BAZ2B: variants seen among roughly 807,000 people sequenced by gnomAD.
BAZ2B encodes the protein bromodomain adjacent to zinc finger domain 2B, also known as bromodomain adjacent to zinc finger domain protein 2B.
In BAZ2B, 91 loss-of-function variants were observed where a neutral mutation model predicts 246.0. The observed-to-expected ratio is 0.37, with a 90% CI of 0.31 to 0.44. BAZ2B has a LOEUF of 0.44. Among genes scored for constraint, BAZ2B ranks in the 20% least tolerant of loss-of-function variants. The probability of loss-of-function intolerance (pLI) is 1.00; values close to 1 mark genes in which losing one functional copy is unlikely to be tolerated. For synonymous variants in BAZ2B, 855 were observed against 860.0 expected (o/e 0.99, Z 0.10); for missense variants, 2,332 against 2,533.7 (o/e 0.92, Z 1.71).
At chr2:159,506,364 C>T (rs2082327756) in intron 2 of BAZ2B, among the ~76,000 whole-genome samples, 1 of 152,052 alleles carries the variant, frequency 6.6e-6, no homozygotes, top group Admixed American at 6.6e-5. Context: ...GAGATCTGAG[C>T]TGTAATATGC....
the BAZ2B span, among the ~76,000 whole-genome samples, chr2:159,644,149 G>C: frequency 6.6e-6 from 1 of 152,124 alleles, no homozygotes; most frequent in Non-Finnish European, 1.5e-5. Context: ...GAGACTCAAG[G>C]TACTATTCAT....
At chr2:159,675,589 A>C in the BAZ2B span, among the ~76,000 whole-genome samples, 1 of 152,240 alleles carries the variant, frequency 6.6e-6, no homozygotes, top group Non-Finnish European at 1.5e-5. Context: ...TAATTAAGGT[A>C]CAATTTTATC....
Position 159,566,460 on chromosome 2 carries a change from C to T in BAZ2B, c.-45-10595G>A, listed in dbSNP as rs536852736. ...AACCTTAGACAAAAAGCAAAGCCAGCAATTTAAGAAAACATCTCCACTGCG... is the reference window on the plus strand; with the variant it reads ...AACCTTAGACAAAAAGCAAAGCCAGTAATTTAAGAAAACATCTCCACTGCG... On this transcript the variant is annotated intron_variant, in intron 1 of 36. Coordinates refer to ENST00000392783, the MANE Select transcript of BAZ2B (RefSeq NM_013450.4). 1.4e-4 allele frequency among the ~76,000 whole-genome samples: 22 copies of T among 152,292 alleles called. 1 individual carries two copies. In the South Asian group the frequency reaches 4.6e-3, roughly 32 times the overall value.
the BAZ2B span, among the ~76,000 whole-genome samples, chr2:159,702,578 G>A: frequency 3.3e-5 from 5 of 152,100 alleles, no homozygotes; most frequent in Non-Finnish European, 7.4e-5. Flanking sequence ...AGATGGATCT[G>A]GAAAGCATTT....
intron 2 of BAZ2B, among the ~76,000 whole-genome samples, chr2:159,533,077 G>T (rs1189511645): frequency 1.3e-5 from 2 of 152,186 alleles, no homozygotes; most frequent in Non-Finnish European, 2.9e-5. Flanking sequence ...ATCTAAGCAT[G>T]ACCTGATAGG....
intron 1 of BAZ2B, among the ~76,000 whole-genome samples, chr2:159,598,321 G>A (rs1456418370): frequency 6.6e-6 from 1 of 152,174 alleles, no homozygotes. Flanking sequence ...TAAAAAAAGA[G>A]CTGCTGGAAA....
At chr2:159,346,095 C>T (rs1031669788) in intron 31 of BAZ2B, among the ~76,000 whole-genome samples, 4 of 152,136 alleles carry the variant, frequency 2.6e-5, no homozygotes, top group African/African-American at 9.7e-5. Context: ...TGACAATACA[C>T]GAGGCACTTT....
At chr2:159,580,656 C>T (rs1285792561) in intron 1 of BAZ2B, among the ~76,000 whole-genome samples, 1 of 152,174 alleles carries the variant, frequency 6.6e-6, no homozygotes, top group Non-Finnish European at 1.5e-5. Flanking sequence ...CACTATCTGA[C>T]TTCAAACTAT....
intron 1 of BAZ2B, among the ~76,000 whole-genome samples, chr2:159,579,853 C>T (rs1347134331): frequency 4.6e-5 from 7 of 152,096 alleles, no homozygotes; most frequent in Non-Finnish European, 7.3e-5. Context: ...AAAAGGCCTT[C>T]AACAAAATTT....
intron 2 of BAZ2B, among the ~76,000 whole-genome samples, chr2:159,529,002 T>C (rs1226409318): frequency 6.7e-6 from 1 of 148,714 alleles, no homozygotes; most frequent in African/African-American, 2.5e-5. Flanking sequence ...TTAGGAGATA[T>C]ACCTAATGTA....
the BAZ2B span, among the ~76,000 whole-genome samples, chr2:159,681,204 T>A: frequency 2.2e-4 from 33 of 152,186 alleles, no homozygotes; most frequent in South Asian, 6.8e-3. Context: ...AAAATTACCG[T>A]AAGAGAAAAT....
the BAZ2B span, among the ~76,000 whole-genome samples, chr2:159,711,371 G>C: frequency 1.3e-5 from 2 of 151,976 alleles, no homozygotes; most frequent in Admixed American, 1.3e-4. Context: ...AAAATTTATA[G>C]TATTTTAGAA....
At position 159,505,068 on chromosome 2, in the gene BAZ2B, G is replaced by T. The variant is rs546935980; in HGVS notation, c.-2-26347C>A. 6.6e-5 allele frequency among the ~76,000 whole-genome samples: 10 copies of T among 152,118 alleles called. No homozygotes were observed. In the South Asian group the frequency reaches 2.1e-3, roughly 32 times the overall value. ...GAATAATATTATGAAAATGACTTAT[G>T]CAATATCTTCAAATAAAAGTAATAA... is the stretch of plus-strand genomic sequence containing the variant. On this transcript the variant is annotated intron_variant, in intron 2 of 36. Transcript: ENST00000392783.
rs746786715 is a variant in BAZ2B at position 159,570,210 on chromosome 2, ACT to A, written c.-45-14347_-45-14346del. Among the ~76,000 whole-genome samples, 34 of 148,648 alleles carry A rather than the reference ACT, an allele frequency of 2.3e-4. No homozygotes were observed. In the East Asian group the frequency reaches 4.0e-3, roughly 17 times the overall value. ...TTTTTTGTTTTTTTTCTGGAGACAG[ACT>A]CTCGCTCTGTGGCCCAGGCTGGAGT... On this transcript the variant is annotated intron_variant, in intron 1 of 36. Transcript: ENST00000392783.
chr2:159,518,300 C>A (rs1405080316), intron 2 of BAZ2B, among the ~76,000 whole-genome samples: 1 of 152,120 alleles, frequency 6.6e-6, no homozygotes, highest in Non-Finnish European at 1.5e-5. Flanking sequence ...AGGTAAGGAA[C>A]AAAAACCAGT....
intron 11 of BAZ2B, 126 bp downstream of exon 11, chr2:159,429,074 G>T: frequency 3.4e-6 from 2 of 582,016 alleles, no homozygotes; most frequent in Non-Finnish European, 5.5e-6. Flanking sequence ...CGGCTCTTCT[G>T]CTCTAATAAA....
At chr2:159,549,146 T>C (rs2087776477) in intron 2 of BAZ2B, among the ~76,000 whole-genome samples, 1 of 152,002 alleles carries the variant, frequency 6.6e-6, no homozygotes, top group Admixed American at 6.6e-5. Flanking sequence ...CCAGGCATGG[T>C]GGCATGTGCC....
chr2:159,699,545 C>CA, the BAZ2B span, among the ~76,000 whole-genome samples: 32 of 148,320 alleles, frequency 2.2e-4, no homozygotes, highest in Non-Finnish European at 3.7e-4. Flanking sequence ...TCTTAGAGGA[C>CA]AAAAAAAAAG....
the BAZ2B span, chr2:159,693,619 C>T: frequency 3.3e-5 from 5 of 151,856 alleles, no homozygotes; most frequent in African/African-American, 9.7e-5. Flanking sequence ...GTCAGGGTCT[C>T]ACTATGTTGT....
Sources: allele counts gnomAD v4.1 joint callset (sites outside exome capture counted in the v4.1 genomes callset), GRCh38; gene constraint gnomAD v4.1.1; transcripts MANE v1.5; gene names NCBI Gene and HGNC (gene_info 2026-07-23, HGNC 2026-07-21).